Variants in DDR2 observed in about 807,000 individuals in gnomAD.
DDR2 encodes the protein discoidin domain receptor tyrosine kinase 2.
DDR2 carries 27 observed loss-of-function variants against 94.9 expected under a neutral mutation model. The observed-to-expected ratio is 0.28, with a 90% CI of 0.21 to 0.39. The LOEUF (loss-of-function observed/expected upper bound fraction) is 0.39, where lower values mean the gene tolerates loss of function less well. DDR2 is among the 10% of genes least tolerant of loss of function. The pLI, the probability that DDR2 is intolerant of heterozygous loss-of-function variation, is 1.00. For synonymous variants in DDR2, 382 were observed against 377.2 expected (o/e 1.01, Z -0.15); for missense variants, 783 against 1,076.0 (o/e 0.73, Z 3.81).
chr1:162,699,611 A>G (rs1352908266), intron 2 of DDR2, among the ~76,000 whole-genome samples: 1 of 152,232 alleles, frequency 6.6e-6, no homozygotes, highest in Admixed American at 6.5e-5. Flanking sequence ...GGATACAGTT[A>G]TGCCATTCTC....
chr1:162,733,836 T>C (rs1383779954), intron 3 of DDR2, among the ~76,000 whole-genome samples: 1 of 152,134 alleles, frequency 6.6e-6, no homozygotes, highest in Admixed American at 6.5e-5. Flanking sequence ...AAAATCTCCG[T>C]TGGAGTTTGT....
upstream of DDR2, chr1:162,632,066 T>G (rs1656584702): frequency 6.6e-6 from 1 of 151,502 alleles, no homozygotes; most frequent in African/African-American, 2.4e-5. Flanking sequence ...ACTCCAAACT[T>G]TAAGTTTTGC....
chr1:162,722,146 C>T (rs1013487849), intron 3 of DDR2, among the ~76,000 whole-genome samples: 5 of 152,158 alleles, frequency 3.3e-5, no homozygotes, highest in Non-Finnish European at 1.5e-5. Context: ...TCCATGGAGG[C>T]TGCAGAGTAG....
At chr1:162,747,402 A>C (rs1662932176) in intron 3 of DDR2, among the ~76,000 whole-genome samples, 1 of 151,748 alleles carries the variant, frequency 6.6e-6, no homozygotes, top group Non-Finnish European at 1.5e-5. Context: ...AATTTGATCA[A>C]GTGGAAGTTC....
chr1:162,680,563 C>T (rs935452920), intron 2 of DDR2, among the ~76,000 whole-genome samples: 9 of 152,094 alleles, frequency 5.9e-5, no homozygotes, highest in Admixed American at 3.3e-4. Flanking sequence ...GAAGTTAAGT[C>T]GAGTAACATG....
rs1647833959 is a variant in DDR2, at chr1:162,780,404, C to A, written c.*158C>A. ...TTTCCTGGTCACCCCCACTCCCTAC[C>A]CCTGACTCATATACACTTTTTTTTT... On this transcript the variant is annotated 3_prime_UTR_variant, in exon 18 of 18. Transcript: ENST00000367921. 5 of 1,022,738 alleles carry A rather than the reference C, an allele frequency of 4.9e-6. No homozygotes were observed. Among genetic ancestry groups the A allele is most frequent in the Admixed American group, 5.2e-5 (2 of 38,644 alleles). 63.4% of individuals were successfully genotyped at this position (1,022,738 alleles called of 1,614,324 possible).
chr1:162,683,084 A>G (rs959870378), intron 2 of DDR2, among the ~76,000 whole-genome samples: 31 of 152,236 alleles, frequency 2.0e-4, no homozygotes, highest in Non-Finnish European at 3.5e-4. Flanking sequence ...CTGGTTCAAT[A>G]TTTTAAAATC....
At chr1:162,758,754 T>G (rs935997056) in intron 7 of DDR2, among the ~76,000 whole-genome samples, 1 of 152,172 alleles carries the variant, frequency 6.6e-6, no homozygotes, top group African/African-American at 2.4e-5. Context: ...GATTCACAAA[T>G]TTTACATATT....
chr1:162,782,045 T>G lies in DDR2; in HGVS notation c.*1799T>G, dbSNP rs1027399496. 1 of 152,248 alleles carries G rather than the reference T, an allele frequency of 6.6e-6. No homozygotes were observed. The highest frequency in any genetic ancestry group is 1.5e-5 in the Non-Finnish European group (1 of 68,060). 9.4% of individuals were successfully genotyped at this position (152,248 alleles called of 1,614,324 possible). A position where few individuals can be genotyped will look rare whatever the true frequency, so the allele number is the denominator to read the frequency against. ...GGTCATCTTCTGATCCTAGCAAATG[T>G]CCTTTCCCCATAGTTGTCCTATGCC... On this transcript the variant is annotated 3_prime_UTR_variant, in exon 18 of 18. Coordinates refer to ENST00000367921, the MANE Select transcript of DDR2 (RefSeq NM_006182.4).
chr1:162,739,621 C>T (rs1011148111), intron 3 of DDR2, among the ~76,000 whole-genome samples: 20 of 152,074 alleles, frequency 1.3e-4, no homozygotes, highest in African/African-American at 2.7e-4. Context: ...TTTTCTTTAT[C>T]GAATCCACTA....
intron 2 of DDR2, among the ~76,000 whole-genome samples, chr1:162,709,882 A>G (rs1660819790): frequency 6.6e-6 from 1 of 152,206 alleles, no homozygotes; most frequent in Non-Finnish European, 1.5e-5. Context: ...ACTGGATGAT[A>G]ACACTTCTAA....
intron 11 of DDR2, among the ~76,000 whole-genome samples, chr1:162,769,700 C>T (rs1404851001): frequency 6.6e-6 from 1 of 152,180 alleles, no homozygotes; most frequent in Admixed American, 6.5e-5. Flanking sequence ...GAAGTAGTTG[C>T]TTTGTTGTTC....
intron 2 of DDR2, among the ~76,000 whole-genome samples, chr1:162,699,985 T>C (rs7520418): frequency 0.82 from 124,033 of 152,182 alleles, 51,620 homozygotes; most frequent in Middle Eastern, 0.93. Context: ...GGATTTCCCA[T>C]GCATGCCCTA....
chr1:162,715,173 C>T (rs1661108901), intron 2 of DDR2, among the ~76,000 whole-genome samples: 1 of 152,122 alleles, frequency 6.6e-6, no homozygotes, highest in Admixed American at 6.6e-5. Flanking sequence ...TCAAGGCAAT[C>T]ATTAATTCAT....
At chr1:162,729,231 C>T (rs1473164495) in intron 3 of DDR2, among the ~76,000 whole-genome samples, 1 of 148,440 alleles carries the variant, frequency 6.7e-6, no homozygotes, top group African/African-American at 2.5e-5. Flanking sequence ...TCTGGCCACC[C>T]TAACTCTAAA....
rs1205084867 is a variant in DDR2, at chr1:162,756,110, G to A, written c.671+341G>A. 3.9e-5 allele frequency among the ~76,000 whole-genome samples: 6 copies of A among 152,246 alleles called. No individual in the cohort carries two copies. In the East Asian group the frequency reaches 1.2e-3, roughly 29 times the overall value. Reference sequence around the variant, plus strand: ...ATATTGACCTACTTATGGAAACAAAGGGCCAGAGAATTGAAGTAATAAGTA... The same window carrying A: ...ATATTGACCTACTTATGGAAACAAAAGGCCAGAGAATTGAAGTAATAAGTA... On this transcript the variant is annotated intron_variant, in intron 7 of 17. Coordinates refer to ENST00000367921, the MANE Select transcript of DDR2 (RefSeq NM_006182.4).
At chr1:162,697,208 C>T (rs998722419) in intron 2 of DDR2, among the ~76,000 whole-genome samples, 8 of 151,706 alleles carry the variant, frequency 5.3e-5, no homozygotes, top group African/African-American at 9.7e-5. Flanking sequence ...GGTTAGAGTG[C>T]GTCTTTCTTA....
chr1:162,699,366 G>A (rs148557340), intron 2 of DDR2, among the ~76,000 whole-genome samples: 320 of 152,210 alleles, frequency 2.1e-3, no homozygotes, highest in Non-Finnish European at 2.4e-3. Context: ...CCAATTCTGC[G>A]TAGTCTCTGG....
At position 162,754,659 on chromosome 1, in the gene DDR2, C is replaced by T; in HGVS notation, c.221C>T (p.Pro74Leu). 6.2e-7 allele frequency: 1 copy of T among 1,614,146 alleles called. No homozygotes were observed. Among genetic ancestry groups the T allele is most frequent in the Non-Finnish European group, 8.5e-7 (1 of 1,180,006 alleles). Reference sequence around the variant, plus strand: ...GAAGAAGGGGATGGAGCCTGGTGCCCTGAGATTCCAGTGGAACCTGATGAC... The same window carrying T: ...GAAGAAGGGGATGGAGCCTGGTGCCTTGAGATTCCAGTGGAACCTGATGAC... ...DSEEGDGAWCPEIPVEPDDLK... is the reference protein window; with the variant it reads ...DSEEGDGAWCLEIPVEPDDLK... The change falls in exon 5 of 18, where the codon CCT becomes CTT. Residue 74 changes from proline to leucine, a missense_variant. Around this residue, in one of 2 missense-constraint regions of DDR2, gnomAD observed 519 missense variants for 647.9 expected, o/e 0.80. Coordinates refer to ENST00000367921, the MANE Select transcript of DDR2 (RefSeq NM_006182.4).
Sources: allele counts gnomAD v4.1 joint callset (sites outside exome capture counted in the v4.1 genomes callset), GRCh38; gene constraint gnomAD v4.1.1; regional missense constraint gnomAD v4.1.1; transcripts MANE v1.5; gene names NCBI Gene and HGNC (gene_info 2026-07-23, HGNC 2026-07-21).